Variants in RBFOX3 observed in about 807,000 individuals in gnomAD.
RBFOX3 encodes the protein RNA binding fox-1 homolog 3.
RBFOX3 carries 17 observed loss-of-function variants against 48.7 expected under a neutral mutation model. The observed-to-expected ratio is 0.35, with a 90% CI of 0.24 to 0.52. The LOEUF (loss-of-function observed/expected upper bound fraction) is 0.52, where lower values mean the gene tolerates loss of function less well. Among genes scored for constraint, RBFOX3 ranks in the 20% least tolerant of loss-of-function variants. The probability of loss-of-function intolerance (pLI) is 0.94; values close to 1 mark genes in which losing one functional copy is unlikely to be tolerated. For missense variants in RBFOX3, 382 were observed against 497.5 expected, an observed-to-expected ratio of 0.77 and a Z score of 2.21; for synonymous variants, 212 against 209.5, an observed-to-expected ratio of 1.01 and a Z score of -0.10.
chr17:79,452,726 G>A (rs2073761565), intron 2 of RBFOX3, among the ~76,000 whole-genome samples: 1 of 152,184 alleles, frequency 6.6e-6, no homozygotes, highest in South Asian at 2.1e-4. Flanking sequence ...CACAGCCCCT[G>A]CCAACTGCTG....
rs782328239 is a variant in RBFOX3, at chr17:79,443,186, G to T, written c.-175+39268C>A. Reference sequence around the variant, plus strand: ...GGAACCCGAGGAAGTCAGATCAGCCGAAGGGGCCCAGCGTCCAGTCCAATC... The same window carrying T: ...GGAACCCGAGGAAGTCAGATCAGCCTAAGGGGCCCAGCGTCCAGTCCAATC... On this transcript the variant is annotated intron_variant, in intron 2 of 14. Transcript: ENST00000693108. This position sits in a 1 kb window ranked among gnomAD's most constrained non-coding sequence, Gnocchi z 4.4. Among the ~76,000 whole-genome samples the T allele has an allele frequency of 9.2e-5, 14 of 152,170 alleles. No individual in the cohort carries two copies. Among genetic ancestry groups the T allele is most frequent in the Non-Finnish European group, 1.5e-4 (10 of 68,032 alleles).
chr17:79,259,610 G>A (rs1382124667), intron 3 of RBFOX3, among the ~76,000 whole-genome samples: 1 of 152,198 alleles, frequency 6.6e-6, no homozygotes. Flanking sequence ...GGAAGGGAAG[G>A]CCACTCAGCT....
chr17:79,301,899 G>A (rs2075371674), intron 3 of RBFOX3, among the ~76,000 whole-genome samples: 1 of 152,212 alleles, frequency 6.6e-6, no homozygotes, highest in African/African-American at 2.4e-5. Context: ...GGTCCCTAGA[G>A]TCATCCGATT....
At position 79,210,224 on chromosome 17, in the gene RBFOX3, G is replaced by C. The variant is rs375075451; in HGVS notation, c.-34+25542C>G. Among the ~76,000 whole-genome samples, 72 of 152,304 alleles carry C rather than the reference G, an allele frequency of 4.7e-4. 1 individual carries two copies. The South Asian group carries it at 0.014, about 30-fold the overall frequency. On this transcript the variant is annotated intron_variant, in intron 4 of 14. Coordinates refer to ENST00000693108, the MANE Select transcript of RBFOX3 (RefSeq NM_001350451.2). ...AATGGGCAGGTGCCTGGTCAAGGAGGGAGGCTATTCTTTTGTGAACTTTTT... is the reference window on the plus strand; with the variant it reads ...AATGGGCAGGTGCCTGGTCAAGGAGCGAGGCTATTCTTTTGTGAACTTTTT...
At position 79,212,413 on chromosome 17, in the gene RBFOX3, G is replaced by A. The variant is rs1275516189; in HGVS notation, c.-34+23353C>T. On this transcript the variant is annotated intron_variant, in intron 4 of 14. Coordinates refer to ENST00000693108, the MANE Select transcript of RBFOX3 (RefSeq NM_001350451.2). This position sits in a 1 kb window ranked among gnomAD's most constrained non-coding sequence, Gnocchi z 4.7. ...CCTTCCCTCCTGCAGCCGGGCTCCT[G>A]GCGCTGCCCGTTCCCAATTTCTCCT... 6.6e-6 allele frequency among the ~76,000 whole-genome samples: 1 copy of A among 152,080 alleles called. No individual in the cohort carries two copies. Among genetic ancestry groups the A allele is most frequent in the African/African-American group, 2.4e-5 (1 of 41,406 alleles).
intron 1 of RBFOX3, among the ~76,000 whole-genome samples, chr17:79,510,737 G>T (rs899700116): frequency 6.6e-6 from 1 of 152,184 alleles, no homozygotes; most frequent in African/African-American, 2.4e-5. Context: ...GAGGACGGAG[G>T]ACGTTTCCCT....
chr17:79,340,685 G>A (rs913901951), intron 2 of RBFOX3, among the ~76,000 whole-genome samples: 3 of 151,994 alleles, frequency 2.0e-5, no homozygotes, highest in South Asian at 4.1e-4. Flanking sequence ...GCAAGCACTT[G>A]CAGTTTTTCA....
intron 2 of RBFOX3, among the ~76,000 whole-genome samples, chr17:79,442,286 A>G (rs1462878205): frequency 1.2e-4 from 2 of 17,338 alleles, no homozygotes; most frequent in South Asian, 5.1e-3. Flanking sequence ...AGAGAGGGAG[A>G]GAGGGAGGGA....
intron 4 of RBFOX3, among the ~76,000 whole-genome samples, chr17:79,207,899 T>G (rs1261565207): frequency 6.6e-6 from 1 of 152,242 alleles, no homozygotes; most frequent in East Asian, 1.9e-4. Flanking sequence ...GGAATGGTTA[T>G]TTCTTTAGCT....
At chr17:79,194,583 C>T (rs1267320858) in intron 4 of RBFOX3, among the ~76,000 whole-genome samples, 2 of 151,314 alleles carry the variant, frequency 1.3e-5, no homozygotes. Context: ...GTACTCTAGC[C>T]TGGGTGACAA....
At chr17:79,170,140 GGGAA>G (rs752718090) in intron 4 of RBFOX3, among the ~76,000 whole-genome samples, 3,987 of 123,236 alleles carry the variant, frequency 0.032, 83 homozygotes, top group Non-Finnish European at 0.046. Flanking sequence ...GGAGGAAGGA[GGGAA>G]GGAAGGAAGG....
rs1487689954 is a variant in RBFOX3, at chr17:79,573,794, T to TC, written c.-320+37031dup. 2.6e-5 allele frequency among the ~76,000 whole-genome samples: 4 copies of TC among 152,324 alleles called. No homozygotes were observed. In the East Asian group the frequency reaches 7.7e-4, roughly 29 times the overall value. On this transcript the variant is annotated intron_variant, in intron 1 of 14. Transcript: ENST00000693108. ...CAATCTCCATCCTACTTGGAGTTTT[T>TC]CTCTCTGAATCTGCCCGGTGGGGGG...
chr17:79,399,705 C>T (rs940739477), intron 2 of RBFOX3, among the ~76,000 whole-genome samples: 2 of 152,242 alleles, frequency 1.3e-5, no homozygotes, highest in East Asian at 3.8e-4. Context: ...TGTTTTTAAA[C>T]TCTGATGTTC....
intron 1 of RBFOX3, among the ~76,000 whole-genome samples, chr17:79,520,876 C>T (rs2085970956): frequency 1.3e-5 from 2 of 152,220 alleles, no homozygotes; most frequent in African/African-American, 4.8e-5. Context: ...TGCAAGAGGT[C>T]CCCACCAGAT....
intron 4 of RBFOX3, among the ~76,000 whole-genome samples, chr17:79,228,229 C>T (rs1047185490): frequency 3.3e-5 from 5 of 152,204 alleles, no homozygotes; most frequent in Non-Finnish European, 7.3e-5. Context: ...TCCGTGTTCC[C>T]TCCGGCCTGT....
At chr17:79,094,400 G>A in intron 14 of RBFOX3, 51 bp downstream of exon 14, 1 of 1,369,870 alleles carries the variant, frequency 7.3e-7, no homozygotes, top group South Asian at 1.3e-5. Context: ...CACCACCCAT[G>A]CCCAGCTGTT....
intron 1 of RBFOX3, among the ~76,000 whole-genome samples, chr17:79,532,238 C>T (rs1368337657): frequency 1.1e-4 from 16 of 152,276 alleles, no homozygotes; most frequent in African/African-American, 3.9e-4. Flanking sequence ...TCAGTTCCCC[C>T]TTTGTACACG....
intron 2 of RBFOX3, among the ~76,000 whole-genome samples, chr17:79,341,648 T>C (rs2082109057): frequency 6.6e-6 from 1 of 152,078 alleles, no homozygotes; most frequent in Non-Finnish European, 1.5e-5. Flanking sequence ...AGGGTCCATT[T>C]CTCTACCTGG....
chr17:79,490,262 A>G (rs1555771816), intron 1 of RBFOX3, among the ~76,000 whole-genome samples: 1 of 152,234 alleles, frequency 6.6e-6, no homozygotes, highest in Admixed American at 6.5e-5. Context: ...GAAATGTTAC[A>G]TTATTCAACG....
Sources: allele counts gnomAD v4.1 joint callset (sites outside exome capture counted in the v4.1 genomes callset), GRCh38; gene constraint gnomAD v4.1.1; non-coding constraint Gnocchi (gnomAD v3.1); transcripts MANE v1.5; gene names NCBI Gene and HGNC (gene_info 2026-07-23, HGNC 2026-07-21).